The following PATJ variants were observed in gnomAD, a reference collection of about 807,000 sequenced individuals.
PATJ encodes the protein PATJ crumbs cell polarity complex component, also known as inaD-like protein.
PATJ carries 190 observed loss-of-function variants against 224.9 expected under a neutral mutation model. That is an observed-to-expected ratio of 0.84 (90% CI 0.75 to 0.95). The LOEUF (loss-of-function observed/expected upper bound fraction) is 0.95. Ranked by LOEUF, PATJ falls within the 40% of genes least tolerant of loss-of-function variation. PATJ has a pLI of 0.00. For missense variants in PATJ, 2,121 were observed against 2,270.3 expected (o/e 0.93, Z 1.34); for synonymous variants, 769 against 820.3 (o/e 0.94, Z 1.07).
intron 28 of PATJ, among the ~76,000 whole-genome samples, chr1:62,006,198 T>G (rs1646086526): frequency 6.6e-6 from 1 of 152,204 alleles, no homozygotes. Flanking sequence ...CTCTGCAACC[T>G]CCATCTCCCA....
At chr1:62,101,262 T>TTC (rs1318184032) in intron 33 of PATJ, among the ~76,000 whole-genome samples, 1 of 147,378 alleles carries the variant, frequency 6.8e-6, no homozygotes, top group African/African-American at 2.5e-5. Flanking sequence ...TTCTTTTCTT[T>TTC]TTTTTTTTTT....
chr1:62,129,679 G>A (rs991690506), intron 41 of PATJ, among the ~76,000 whole-genome samples: 1 of 152,210 alleles, frequency 6.6e-6, no homozygotes, highest in South Asian at 2.1e-4. Context: ...GGTGGCCCAC[G>A]CCTGTAATCC....
At chr1:62,116,747 G>C in intron 36 of PATJ, 68 bp downstream of exon 36, 1 of 1,454,860 alleles carries the variant, frequency 6.9e-7, no homozygotes, top group Non-Finnish European at 9.3e-7. Flanking sequence ...TTCCAGTCTA[G>C]CTTGATTATA....
At chr1:61,897,630 T>G (rs1480066281) in intron 22 of PATJ, among the ~76,000 whole-genome samples, 1 of 152,202 alleles carries the variant, frequency 6.6e-6, no homozygotes, top group Non-Finnish European at 1.5e-5. Context: ...TGATTCTCCT[T>G]CCTTTTAATG....
rs576482865 is a variant in PATJ, at chr1:62,154,395, A to G, written c.5502+914A>G. ...GAAATAAAGGTCTTCGAGGCTGGGC[A>G]TAGTGGCTCACGTCTGTAATCCCAA... On this transcript the variant is annotated intron_variant, in intron 43 of 43. Transcript: ENST00000642238. Among the ~76,000 whole-genome samples the G allele has an allele frequency of 3.2e-3, 488 of 152,114 alleles. 2 individuals are homozygous for G. The highest frequency in any genetic ancestry group is 5.6e-3 in the Non-Finnish European group (382 of 67,968).
At chr1:62,110,543 G>A (rs368069473) in intron 34 of PATJ, among the ~76,000 whole-genome samples, 23 of 152,124 alleles carry the variant, frequency 1.5e-4, no homozygotes, top group African/African-American at 5.1e-4. Context: ...AGATAGGGAC[G>A]AATAATGTTT....
chr1:62,024,926 C>T (rs1305961674), intron 29 of PATJ, among the ~76,000 whole-genome samples: 2 of 152,166 alleles, frequency 1.3e-5, no homozygotes, highest in Admixed American at 6.5e-5. Context: ...TGGCCAGACA[C>T]TCCTGCTACA....
chr1:61,778,711 T>TAGAGAG (rs68190860), intron 7 of PATJ, among the ~76,000 whole-genome samples: 40 of 151,468 alleles, frequency 2.6e-4, no homozygotes, highest in Admixed American at 4.6e-4. Flanking sequence ...TATATATATA[T>TAGAGAG]AGAGAGAGAG....
chr1:61,814,734 G>A (rs1655760682), intron 14 of PATJ, among the ~76,000 whole-genome samples: 1 of 151,946 alleles, frequency 6.6e-6, no homozygotes, highest in Non-Finnish European at 1.5e-5. Context: ...TCCTAATTCA[G>A]TAGCTACTAA....
chr1:62,026,462 T>TTGTGTGTGTGTGTG (rs200824830), intron 29 of PATJ, among the ~76,000 whole-genome samples: 71 of 123,564 alleles, frequency 5.7e-4, no homozygotes, highest in Middle Eastern at 4.5e-3. Context: ...TATTCAACAT[T>TTGTGTGTGTGTGTG]TGTGTGTGTG....
chr1:62,156,359 A>G (rs1017926631), intron 43 of PATJ, among the ~76,000 whole-genome samples: 6 of 150,718 alleles, frequency 4.0e-5, no homozygotes, highest in African/African-American at 4.9e-5. Flanking sequence ...GTGAAACCCT[A>G]TCTCTACTAA....
chr1:61,877,522 T>C (rs10889260), intron 21 of PATJ, among the ~76,000 whole-genome samples: 149,590 of 151,906 alleles, frequency 0.98, 73,696 homozygotes, highest in South Asian at 1. Flanking sequence ...GCAGATTTCC[T>C]CCATCTGTTC....
intron 31 of PATJ, among the ~76,000 whole-genome samples, chr1:62,066,218 C>T (rs1025049160): frequency 2.0e-5 from 3 of 152,118 alleles, no homozygotes; most frequent in Non-Finnish European, 4.4e-5. Flanking sequence ...CCAAGTGCAT[C>T]AATTTGTATC....
At position 62,148,277 on chromosome 1, in the gene PATJ, T is replaced by C; in HGVS notation, c.5272-7T>C. 1.2e-6 allele frequency: 2 copies of C among 1,604,542 alleles called. No homozygotes were observed. Among genetic ancestry groups the C allele is most frequent in the Non-Finnish European group, 1.7e-6 (2 of 1,171,504 alleles). Reference sequence around the variant, plus strand: ...AATGAAATACCTTTTTTTCACTTTTTCCCCAGGTTGTAGCAGATACCAATA... The same window carrying C: ...AATGAAATACCTTTTTTTCACTTTTCCCCCAGGTTGTAGCAGATACCAATA... On this transcript the variant is annotated splice_polypyrimidine_tract_variant and splice_region_variant and intron_variant, in intron 41 of 43. Transcript: ENST00000642238.
chr1:61,830,603 G>A (rs1448475343), intron 16 of PATJ, among the ~76,000 whole-genome samples: 1 of 151,436 alleles, frequency 6.6e-6, no homozygotes, highest in Non-Finnish European at 1.5e-5. Flanking sequence ...AAAGCCAGAG[G>A]TATCACACTA....
chr1:62,066,994 G>A (rs1656564890), intron 31 of PATJ, among the ~76,000 whole-genome samples: 1 of 152,064 alleles, frequency 6.6e-6, no homozygotes, highest in Non-Finnish European at 1.5e-5. Flanking sequence ...CACTAGTGAT[G>A]TTATCTACAA....
intron 29 of PATJ, among the ~76,000 whole-genome samples, chr1:62,024,433 T>C (rs1406651582): frequency 6.6e-6 from 1 of 152,106 alleles, no homozygotes; most frequent in Non-Finnish European, 1.5e-5. Flanking sequence ...ATTGGTAATT[T>C]TTTCTTTGCT....
rs761607596 is a variant in PATJ at position 62,157,450 on chromosome 1, C to A, written c.5503-3458C>A. Among the ~76,000 whole-genome samples, 38 of 148,256 alleles carry A rather than the reference C, an allele frequency of 2.6e-4. 3 individuals are homozygous for A. Among genetic ancestry groups the A allele is most frequent in the Non-Finnish European group, 5.3e-4 (35 of 66,472 alleles). On this transcript the variant is annotated intron_variant, in intron 43 of 43. Coordinates refer to ENST00000642238, the MANE Select transcript of PATJ (RefSeq NM_001350145.3). ...TGCGAATGATCACTGGCACTTTGGG[C>A]GTATAGAAGTTGAGAGACTTAGTCA...
chr1:62,080,167 A>T (rs1659036000), intron 32 of PATJ, among the ~76,000 whole-genome samples: 1 of 152,144 alleles, frequency 6.6e-6, no homozygotes, highest in African/African-American at 2.4e-5. Context: ...TATCAAACCC[A>T]ATTTTTAGCC....
Sources: gnomAD v4.1 joint callset for allele counts (sites outside exome capture counted in the v4.1 genomes callset) on GRCh38, gnomAD v4.1.1 for gene constraint, MANE v1.5 for transcripts, NCBI Gene and HGNC (gene_info 2026-07-23, HGNC 2026-07-21) for gene names.